The following EYA2 variants were observed in gnomAD, a reference collection of about 807,000 sequenced individuals.
The protein encoded by EYA2 is EYA transcriptional coactivator and phosphatase 2.
EYA2 carries 31 observed loss-of-function variants against 69.2 expected under a neutral mutation model. The observed-to-expected ratio is 0.45, with a 90% CI of 0.34 to 0.60. EYA2 has a LOEUF of 0.60. Ranked by LOEUF, EYA2 falls within the 20% of genes least tolerant of loss-of-function variation. The probability of loss-of-function intolerance (pLI) is 0.02; values close to 1 mark genes in which losing one functional copy is unlikely to be tolerated. For missense variants in EYA2, 622 were observed against 701.2 expected, an observed-to-expected ratio of 0.89 and a Z score of 1.28; for synonymous variants, 257 against 279.4, an observed-to-expected ratio of 0.92 and a Z score of 0.80.
intron 5 of EYA2, among the ~76,000 whole-genome samples, chr20:47,023,827 G>T (rs376436253): frequency 6.6e-6 from 1 of 151,946 alleles, no homozygotes; most frequent in East Asian, 1.9e-4. Context: ...AAGTGGAGAT[G>T]GGGTTTTGCC....
intron 10 of EYA2, among the ~76,000 whole-genome samples, chr20:47,153,013 GC>G (rs1171135896): frequency 1.3e-5 from 2 of 151,636 alleles, no homozygotes; most frequent in Non-Finnish European, 2.9e-5. Context: ...GCTTTTAGAG[GC>G]CGGGCCAGCA....
In EYA2 at chr20:47,089,234, GC is replaced by G. The variant is rs2031993269; in HGVS notation, c.662-3del. 6.2e-7 allele frequency: 1 copy of G among 1,613,172 alleles called. No individual in the cohort carries two copies. Among genetic ancestry groups the G allele is most frequent in the Non-Finnish European group, 8.5e-7 (1 of 1,179,504 alleles). ...ATTTGTCCACCATTCCCTTTCTTAC[GC>G]CAGGTGAATACAACACACACAATGG... On this transcript the variant is annotated splice_polypyrimidine_tract_variant and splice_region_variant and intron_variant, in intron 7 of 15. Transcript: ENST00000327619.
intron 5 of EYA2, among the ~76,000 whole-genome samples, chr20:47,025,095 C>G (rs1032563802): frequency 6.6e-6 from 1 of 152,344 alleles, no homozygotes; most frequent in African/African-American, 2.4e-5. Flanking sequence ...TTCAGCACCT[C>G]CATCATCTCT....
chr20:47,166,058 A>G (rs1220107768), intron 10 of EYA2, among the ~76,000 whole-genome samples: 1 of 152,068 alleles, frequency 6.6e-6, no homozygotes, highest in Non-Finnish European at 1.5e-5. Flanking sequence ...TGAATGAGGC[A>G]GGGGCTTCCC....
chr20:46,986,953 G>A (rs1335750482), intron 1 of EYA2, among the ~76,000 whole-genome samples: 1 of 152,172 alleles, frequency 6.6e-6, no homozygotes, highest in Non-Finnish European at 1.5e-5. Flanking sequence ...TCTGTCATCA[G>A]ATCAAAAAGT....
chr20:46,895,070 C>T (rs1189507359), intron 1 of EYA2, 83 bp downstream of exon 1: 1 of 152,254 alleles, frequency 6.6e-6, no homozygotes, highest in Non-Finnish European at 1.5e-5. Context: ...GACCCCCTCG[C>T]CCTGCGCCTC....
Position 47,095,620 on chromosome 20 carries a change from A to G in EYA2, c.805-1465A>G, listed in dbSNP as rs935884107. 2.0e-5 allele frequency among the ~76,000 whole-genome samples: 3 copies of G among 152,296 alleles called. No homozygotes were observed. In the East Asian group the frequency reaches 5.8e-4, roughly 29 times the overall value. On this transcript the variant is annotated intron_variant, in intron 8 of 15. Coordinates refer to ENST00000327619, the MANE Select transcript of EYA2 (RefSeq NM_005244.5). Reference sequence around the variant, plus strand: ...AAAAAGGTAAAACCTACAAGGACTGAGGAACAGTGAAATACCAGATTTCTC... The same window carrying G: ...AAAAAGGTAAAACCTACAAGGACTGGGGAACAGTGAAATACCAGATTTCTC...
intron 10 of EYA2, among the ~76,000 whole-genome samples, chr20:47,156,037 CACACACACACACACATATAT>C (rs1568813779): frequency 1.3e-4 from 16 of 120,134 alleles, no homozygotes; most frequent in African/African-American, 4.3e-4. Context: ...TATATACATA[CACACACACACACACATATAT>C]ATACATACAC....
chr20:47,100,604 A>G (rs554778536), intron 9 of EYA2, among the ~76,000 whole-genome samples: 1 of 152,354 alleles, frequency 6.6e-6, no homozygotes, highest in South Asian at 2.1e-4. Flanking sequence ...CCAAGAAAGC[A>G]TGAGAATCAG....
At chr20:47,143,257 C>T (rs2033634259) in intron 10 of EYA2, 109 bp downstream of exon 10, 1 of 1,030,844 alleles carries the variant, frequency 9.7e-7, no homozygotes, top group South Asian at 1.8e-5. Flanking sequence ...CTTTTTTTCT[C>T]CTTTTTCTTT....
intron 1 of EYA2, among the ~76,000 whole-genome samples, chr20:46,898,932 A>G (rs1406880907): frequency 6.6e-6 from 1 of 152,122 alleles, no homozygotes; most frequent in Non-Finnish European, 1.5e-5. Flanking sequence ...TTCCTTTGTC[A>G]TTTCTCTGAC....
intron 1 of EYA2, among the ~76,000 whole-genome samples, chr20:46,966,993 G>A (rs1304466281): frequency 5.9e-5 from 9 of 151,710 alleles, no homozygotes; most frequent in South Asian, 2.1e-4. Flanking sequence ...TTGTTTGTTT[G>A]TGTTTGTTTT....
At position 46,920,248 on chromosome 20, in the gene EYA2, G is replaced by A. The variant is rs546659469; in HGVS notation, c.-11+25261G>A. On this transcript the variant is annotated intron_variant, in intron 1 of 15. Coordinates refer to ENST00000327619, the MANE Select transcript of EYA2 (RefSeq NM_005244.5). ...TTTAATTTGTTTAAAAAAAAAAACA[G>A]TATCTGCAAAGTACAATAAAGCAAA... Among the ~76,000 whole-genome samples, 52 of 143,656 alleles carry A rather than the reference G, an allele frequency of 3.6e-4. 1 individual carries two copies. In the South Asian group the frequency reaches 0.012, roughly 32 times the overall value. 94.2% of individuals were successfully genotyped at this position (143,656 alleles called of 152,430 possible).
intron 11 of EYA2, among the ~76,000 whole-genome samples, chr20:47,170,586 G>T (rs920809904): frequency 1.3e-4 from 19 of 151,652 alleles, no homozygotes; most frequent in African/African-American, 4.4e-4. Flanking sequence ...GGCGGAGGTT[G>T]CAGCGAGCCG....
At chr20:47,108,633 A>G (rs1015548652) in intron 9 of EYA2, among the ~76,000 whole-genome samples, 3 of 151,974 alleles carry the variant, frequency 2.0e-5, no homozygotes, top group African/African-American at 4.8e-5. Context: ...GTGCAGTGGC[A>G]TGATCATAGT....
chr20:47,061,395 G>A (rs776056834), intron 5 of EYA2, among the ~76,000 whole-genome samples: 1 of 152,126 alleles, frequency 6.6e-6, no homozygotes, highest in Non-Finnish European at 1.5e-5. Flanking sequence ...GCTGGGCATG[G>A]TGTCATGTGC....
At chr20:47,084,317 G>C (rs140857545) in intron 7 of EYA2, among the ~76,000 whole-genome samples, 397 of 152,296 alleles carry the variant, frequency 2.6e-3, no homozygotes, top group Non-Finnish European at 4.6e-3. Flanking sequence ...AAGGACGGCA[G>C]ATTGCTTGAG....
In EYA2 at chr20:46,961,728, A is replaced by G. The variant is rs1979489600; in HGVS notation, c.-10-28273A>G. On this transcript the variant is annotated intron_variant, in intron 1 of 15. Coordinates refer to ENST00000327619, the MANE Select transcript of EYA2 (RefSeq NM_005244.5). The stretch of plus-strand genomic sequence containing the variant: ...AATCCTGCCATTCTCAGCAACATGA[A>G]TGAGCTTGAGGGACATTGTGTTAAG... Among the ~76,000 whole-genome samples the G allele has an allele frequency of 2.0e-5, 3 of 152,254 alleles. No individual in the cohort carries two copies. The South Asian group carries it at 6.2e-4, about 32-fold the overall frequency.
chr20:47,151,855 C>A (rs532087790), intron 10 of EYA2, among the ~76,000 whole-genome samples: 22 of 152,154 alleles, frequency 1.4e-4, no homozygotes, highest in Admixed American at 5.2e-4. Flanking sequence ...ACTGCTATAA[C>A]TGGCACATAG....
Sources: allele counts gnomAD v4.1 joint callset (sites outside exome capture counted in the v4.1 genomes callset), GRCh38; gene constraint gnomAD v4.1.1; transcripts MANE v1.5; gene names NCBI Gene and HGNC (gene_info 2026-07-23, HGNC 2026-07-21).